CALN1: variants seen among roughly 807,000 people sequenced by gnomAD.
The protein encoded by CALN1 is calneuron 1.
In CALN1, 17 loss-of-function variants were observed where a neutral mutation model predicts 30.6. The observed-to-expected ratio is 0.56, with a 90% CI of 0.38 to 0.83. CALN1 has a LOEUF of 0.83. Among genes scored for constraint, CALN1 ranks in the 40% least tolerant of loss-of-function variants. CALN1 has a pLI of 0.00. For missense variants in CALN1, 291 were observed against 354.9 expected (o/e 0.82, Z 1.45); for synonymous variants, 156 against 131.4 (o/e 1.19, Z -1.28).
chr7:72,316,163 GAAAA>G (rs58358512), intron 2 of CALN1, among the ~76,000 whole-genome samples: 2 of 150,382 alleles, frequency 1.3e-5, no homozygotes, highest in Non-Finnish European at 2.9e-5. Flanking sequence ...AAGAAAGAAA[GAAAA>G]AAAAGAATTT....
the CALN1 span, among the ~76,000 whole-genome samples, chr7:72,475,760 A>T: frequency 2.6e-5 from 4 of 152,088 alleles, no homozygotes; most frequent in African/African-American, 4.8e-5. Flanking sequence ...CCCAAATCTC[A>T]TCTTAATTGT....
At chr7:72,231,110 G>C (rs915658995) in intron 3 of CALN1, among the ~76,000 whole-genome samples, 2 of 151,930 alleles carry the variant, frequency 1.3e-5, no homozygotes, top group Non-Finnish European at 2.9e-5. Flanking sequence ...AACTGTTGCA[G>C]TACACGCTTT....
intron 3 of CALN1, among the ~76,000 whole-genome samples, chr7:72,123,266 T>C (rs1176729513): frequency 6.6e-6 from 1 of 152,164 alleles, no homozygotes; most frequent in African/African-American, 2.4e-5. Context: ...ACTTTTTCCT[T>C]GTGTAGCTCA....
At chr7:72,072,629 T>G (rs1221897180) in intron 4 of CALN1, among the ~76,000 whole-genome samples, 2 of 152,224 alleles carry the variant, frequency 1.3e-5, no homozygotes, top group Admixed American at 6.5e-5. Context: ...CTAGTATTAT[T>G]GTAACATTGG....
rs1554319582 is a variant in CALN1 at position 72,205,551 on chromosome 7, A to ATATATATACATATATATATATATATAT, written c.244+73134_244+73135insATATATATATATATATATGTATATATA. 1.4e-4 allele frequency among the ~76,000 whole-genome samples: 12 copies of ATATATATACATATATATATATATATAT among 83,044 alleles called. No homozygotes were observed. In the East Asian group the frequency reaches 4.4e-3, roughly 30 times the overall value. The allele number at this position is 83,044 out of a possible 152,430, so 54.5% of individuals were successfully genotyped here. On this transcript the variant is annotated intron_variant, in intron 3 of 6. Transcript: ENST00000395275. The stretch of plus-strand genomic sequence containing the variant: ...ATTTTTCTCCTGATTGCAAAAAAAA[A>ATATATATACATATATATATATATATAT]ATATATATATATATATGTATATATA...
intron 2 of CALN1, among the ~76,000 whole-genome samples, chr7:72,350,807 A>C (rs1332187157): frequency 6.6e-6 from 1 of 152,220 alleles, no homozygotes; most frequent in Non-Finnish European, 1.5e-5. Flanking sequence ...AAATAAAAAA[A>C]ATACTGAGAA....
chr7:72,220,020 AT>A (rs35625397), intron 3 of CALN1, among the ~76,000 whole-genome samples: 40 of 150,730 alleles, frequency 2.7e-4, no homozygotes, highest in African/African-American at 3.2e-4. Context: ...ATTGGCAACA[AT>A]TTTTTTTTTA....
At position 72,071,419 on chromosome 7, in the gene CALN1, T is replaced by C. The variant is rs1490358035; in HGVS notation, c.388+34732A>G. On this transcript the variant is annotated intron_variant, in intron 4 of 6. Coordinates refer to ENST00000395275, the MANE Select transcript of CALN1 (RefSeq NM_031468.4). ...AGAGGCAGCACTATTTTCCCCCGTT[T>C]CATTTTTCTCTTTCCATCTTTTGGA... 3.3e-5 allele frequency among the ~76,000 whole-genome samples: 5 copies of C among 152,308 alleles called. No individual in the cohort carries two copies. The East Asian group carries it at 7.7e-4, about 24-fold the overall frequency.
rs546865828 is a variant in CALN1, at chr7:72,424,682, A to G, written c.-225-12407T>C. Reference sequence around the variant, plus strand: ...CGTGATCATAGCTCACTGCAGCCTCAAACTTCTGACCTCGGGAGATCCTTC... The same window carrying G: ...CGTGATCATAGCTCACTGCAGCCTCGAACTTCTGACCTCGGGAGATCCTTC... On this transcript the variant is annotated intron_variant, in intron 1 of 6. Coordinates refer to the CALN1 transcript ENST00000395276. Among the ~76,000 whole-genome samples, 20 of 152,078 alleles carry G rather than the reference A, an allele frequency of 1.3e-4. No individual in the cohort carries two copies. In the East Asian group the frequency reaches 2.5e-3, roughly 19 times the overall value.
chr7:71,804,301 G>C (rs1334522746), intron 6 of CALN1, among the ~76,000 whole-genome samples: 2 of 152,086 alleles, frequency 1.3e-5, no homozygotes, highest in Non-Finnish European at 2.9e-5. Context: ...TTGAAGCTAT[G>C]AGTTCAAGAA....
At chr7:72,060,221 T>C (rs921846506) in intron 4 of CALN1, among the ~76,000 whole-genome samples, 1 of 152,162 alleles carries the variant, frequency 6.6e-6, no homozygotes, top group Non-Finnish European at 1.5e-5. Flanking sequence ...CTGCAGGTGC[T>C]TACATGCTCT....
chr7:71,920,398 C>T (rs867284776), intron 5 of CALN1, among the ~76,000 whole-genome samples: 22 of 133,418 alleles, frequency 1.6e-4, no homozygotes, highest in Non-Finnish European at 2.9e-4. Context: ...TGTAGTGGTG[C>T]GATCTCGGCT....
chr7:71,981,380 A>T (rs1798385178), intron 5 of CALN1, among the ~76,000 whole-genome samples: 1 of 151,962 alleles, frequency 6.6e-6, no homozygotes, highest in South Asian at 2.1e-4. Context: ...CATCCATAAA[A>T]ACCCAAGAGG....
chr7:72,256,221 G>A (rs1795902663), intron 3 of CALN1, among the ~76,000 whole-genome samples: 1 of 152,110 alleles, frequency 6.6e-6, no homozygotes. Flanking sequence ...CTGTTTAGGA[G>A]GCCTACGTGG....
At chr7:71,789,416 C>CA (rs369559874) in intron 6 of CALN1, among the ~76,000 whole-genome samples, 3 of 151,924 alleles carry the variant, frequency 2.0e-5, no homozygotes, top group Non-Finnish European at 4.4e-5. Flanking sequence ...GACTCTGTCT[C>CA]AAAAAAACAT....
intron 3 of CALN1, among the ~76,000 whole-genome samples, chr7:72,247,996 T>G (rs1210829925): frequency 6.6e-6 from 1 of 152,282 alleles, no homozygotes; most frequent in East Asian, 1.9e-4. Flanking sequence ...GGCTCTGTCT[T>G]TAAACAACAA....
At chr7:72,455,316 T>C in the CALN1 span, among the ~76,000 whole-genome samples, 1 of 135,662 alleles carries the variant, frequency 7.4e-6, no homozygotes, top group South Asian at 2.5e-4. Flanking sequence ...ACAATATATA[T>C]ATATATGTGT....
intron 4 of CALN1, among the ~76,000 whole-genome samples, chr7:72,024,914 ATGTTCTCTTTTTGTTT>A (rs1394259213): frequency 1.3e-5 from 2 of 152,104 alleles, no homozygotes; most frequent in African/African-American, 4.8e-5. Flanking sequence ...CTGAAATGTC[ATGTTCTCTTTTTGTTT>A]TGTTCCTGAT....
chr7:72,076,611 C>CAAAAAAAAAAAAAAAAAAAAAAAAAA lies in CALN1; in HGVS notation c.388+29514_388+29539dup, dbSNP rs572245834. ...GAAACTCCGTCTAGAAAAAAAAAAG[C>CAAAAAAAAAAAAAAAAAAAAAAAAAA]AAAAAAAAAAAAAAAAAAAAAAAAA... is the stretch of plus-strand genomic sequence containing the variant. On this transcript the variant is annotated intron_variant, in intron 4 of 6. Coordinates refer to ENST00000395275, the MANE Select transcript of CALN1 (RefSeq NM_031468.4). Among the ~76,000 whole-genome samples, 5 of 6,120 alleles carry CAAAAAAAAAAAAAAAAAAAAAAAAAA rather than the reference C, an allele frequency of 8.2e-4. 2 individuals carry two copies. Among genetic ancestry groups the CAAAAAAAAAAAAAAAAAAAAAAAAAA allele is most frequent in the Admixed American group, 6.0e-3 (2 of 334 alleles). The allele number at this position is 6,120 out of a possible 152,430, so 4.0% of individuals were successfully genotyped here.
Sources: allele counts gnomAD v4.1 joint callset (sites outside exome capture counted in the v4.1 genomes callset), GRCh38; gene constraint gnomAD v4.1.1; transcripts MANE v1.5; gene names NCBI Gene and HGNC (gene_info 2026-07-23, HGNC 2026-07-21).